Variants in COP1 observed in about 807,000 individuals in gnomAD.
COP1 encodes COP1 E3 ubiquitin ligase.
COP1 carries 24 observed loss-of-function variants against 101.3 expected under a neutral mutation model. That is an observed-to-expected ratio of 0.24 (90% CI 0.17 to 0.33). The LOEUF (loss-of-function observed/expected upper bound fraction) is 0.33, where lower values mean the gene tolerates loss of function less well. Ranked by LOEUF, COP1 falls within the 10% of genes least tolerant of loss-of-function variation. The pLI is 1.00. For synonymous variants in COP1, 347 were observed against 341.9 expected, an observed-to-expected ratio of 1.01 and a Z score of -0.17; for missense variants, 663 against 906.2, an observed-to-expected ratio of 0.73 and a Z score of 3.45.
chr1:175,989,114 A>AG, intron 16 of COP1: 1 of 310,014 alleles, frequency 3.2e-6, no homozygotes. Context: ...GGATGAGATA[A>AG]GGGGGGAGGG....
At chr1:175,967,245 C>G (rs1044366802) in intron 18 of COP1, among the ~76,000 whole-genome samples, 6 of 152,188 alleles carry the variant, frequency 3.9e-5, no homozygotes, top group African/African-American at 1.4e-4. Flanking sequence ...CTCCTGACCT[C>G]AGGTGATCCA....
At chr1:176,113,036 G>C (rs1266487587) in intron 9 of COP1, among the ~76,000 whole-genome samples, 1 of 152,116 alleles carries the variant, frequency 6.6e-6, no homozygotes, top group Non-Finnish European at 1.5e-5. Context: ...GGGAGTGCAG[G>C]TATCTCTTCC....
chr1:175,997,706 C>G (rs1184246592), intron 15 of COP1, among the ~76,000 whole-genome samples: 1 of 152,176 alleles, frequency 6.6e-6, no homozygotes, highest in Non-Finnish European at 1.5e-5. Flanking sequence ...GAGATACCAT[C>G]TCACACCAGT....
chr1:176,151,303 AAAGGAGAGAAAGAAAG>A (rs1275294770), intron 5 of COP1, among the ~76,000 whole-genome samples: 5 of 149,606 alleles, frequency 3.3e-5, no homozygotes, highest in Non-Finnish European at 5.9e-5. Context: ...AGAAAGAAAG[AAAGGAGAGAAAGAAAG>A]AAGGAAAGAA....
At chr1:176,168,236 T>G (rs1695448292) in intron 3 of COP1, among the ~76,000 whole-genome samples, 1 of 151,772 alleles carries the variant, frequency 6.6e-6, no homozygotes, top group Admixed American at 6.6e-5. Context: ...TTTTTGTATC[T>G]TTAGTAGTGA....
chr1:176,110,995 T>C (rs1685184723), intron 9 of COP1, among the ~76,000 whole-genome samples: 1 of 151,850 alleles, frequency 6.6e-6, no homozygotes, highest in Admixed American at 6.6e-5. Flanking sequence ...CTACTAAAAA[T>C]ACAAAAATTA....
At chr1:176,184,791 T>A (rs1698243954) in intron 1 of COP1, 99 bp from the exon 2 acceptor site, 7 of 825,514 alleles carry the variant, frequency 8.5e-6, no homozygotes, top group Non-Finnish European at 1.4e-5. Context: ...TATTTCAATA[T>A]ACAGTTTAGA....
At chr1:176,177,378 GTTA>G (rs1040862348) in intron 2 of COP1, among the ~76,000 whole-genome samples, 10 of 150,070 alleles carry the variant, frequency 6.7e-5, no homozygotes, top group African/African-American at 2.0e-4. Context: ...AGAAAAAAAT[GTTA>G]TTATACATAC....
At chr1:176,131,522 C>G (rs1688892567) in intron 8 of COP1, among the ~76,000 whole-genome samples, 1 of 151,566 alleles carries the variant, frequency 6.6e-6, no homozygotes, top group Non-Finnish European at 1.5e-5. Context: ...TTATAGAAAA[C>G]TAACAAATCT....
chr1:175,963,371 C>A (rs1479198949), intron 18 of COP1, among the ~76,000 whole-genome samples: 3 of 152,116 alleles, frequency 2.0e-5, no homozygotes, highest in Non-Finnish European at 4.4e-5. Context: ...TCTTAAACAT[C>A]TATTGCACTT....
intron 15 of COP1, among the ~76,000 whole-genome samples, chr1:175,997,722 TG>T (rs1443670615): frequency 2.6e-5 from 4 of 152,150 alleles, no homozygotes; most frequent in African/African-American, 9.7e-5. Flanking sequence ...CCAGTTAGAA[TG>T]GCAATCATTA....
intron 2 of COP1, among the ~76,000 whole-genome samples, chr1:176,182,436 A>G (rs532156078): frequency 7.4e-4 from 113 of 152,332 alleles, no homozygotes; most frequent in African/African-American, 2.6e-3. Context: ...GGGTATCTGC[A>G]ATGTCTAGAG....
At chr1:176,118,833 A>AC (rs1686632858) in intron 8 of COP1, among the ~76,000 whole-genome samples, 1 of 152,182 alleles carries the variant, frequency 6.6e-6, no homozygotes, top group Admixed American at 6.6e-5. Context: ...TGATGGGATA[A>AC]CCCCCAAATA....
chr1:176,143,016 C>T (rs1416100611), intron 6 of COP1, among the ~76,000 whole-genome samples: 1 of 151,246 alleles, frequency 6.6e-6, no homozygotes, highest in Non-Finnish European at 1.5e-5. Context: ...ATAAATAAAA[C>T]AGAAAACAAA....
chr1:176,153,799 G>A (rs1342598187), intron 5 of COP1, among the ~76,000 whole-genome samples: 1 of 152,152 alleles, frequency 6.6e-6, no homozygotes, highest in Non-Finnish European at 1.5e-5. Context: ...TAATATGAAG[G>A]AGGGCTGAAT....
At chr1:176,106,797 C>T (rs762175556) in intron 9 of COP1, among the ~76,000 whole-genome samples, 16 of 152,138 alleles carry the variant, frequency 1.1e-4, no homozygotes, top group Non-Finnish European at 2.1e-4. Context: ...ATTACTTTAT[C>T]GCAATTCCTC....
At chr1:176,089,556 A>G (rs1260502295) in intron 9 of COP1, among the ~76,000 whole-genome samples, 1 of 152,234 alleles carries the variant, frequency 6.6e-6, no homozygotes, top group Non-Finnish European at 1.5e-5. Context: ...CCAAATGCAT[A>G]AAGTAAAAAG....
At chr1:176,051,596 A>C (rs934736112) in intron 11 of COP1, among the ~76,000 whole-genome samples, 3 of 152,048 alleles carry the variant, frequency 2.0e-5, no homozygotes, top group Non-Finnish European at 4.4e-5. Context: ...AAAAACAAAC[A>C]AACTGTAAAG....
intron 6 of COP1, among the ~76,000 whole-genome samples, chr1:176,147,798 T>C (rs913759567): frequency 2.0e-5 from 3 of 152,144 alleles, no homozygotes; most frequent in African/African-American, 7.2e-5. Flanking sequence ...CACGGAAGAA[T>C]TAATGTTGGA....
Sources: gnomAD v4.1 joint callset for allele counts (sites outside exome capture counted in the v4.1 genomes callset) on GRCh38, gnomAD v4.1.1 for gene constraint, MANE v1.5 for transcripts, NCBI Gene and HGNC (gene_info 2026-07-23, HGNC 2026-07-21) for gene names.